Variants in SYCP2L observed in about 807,000 individuals in gnomAD.
The protein encoded by SYCP2L is synaptonemal complex protein 2 like.
Under a neutral mutation model 125.8 loss-of-function variants are expected in SYCP2L, and 98 were observed. The ratio of observed to expected loss-of-function variants is 0.78; its 90% CI spans 0.66 to 0.92. The LOEUF is 0.92. Ranked by LOEUF, SYCP2L falls within the 40% of genes least tolerant of loss-of-function variation. The pLI, the probability that SYCP2L is intolerant of heterozygous loss-of-function variation, is 0.00. For missense variants in SYCP2L, 842 were observed against 936.4 expected (o/e 0.90, Z 1.32); for synonymous variants, 317 against 325.4 (o/e 0.97, Z 0.28).
At chr6:10,969,791 A>G (rs1042676113) in intron 29 of SYCP2L, among the ~76,000 whole-genome samples, 1 of 152,188 alleles carries the variant, frequency 6.6e-6, no homozygotes, top group African/African-American at 2.4e-5. Context: ...GTCATATGAT[A>G]TGCCATGTAG....
At position 10,930,517 on chromosome 6, in the gene SYCP2L, A is replaced by G. The variant is rs199917764; in HGVS notation, c.1633+3A>G. 6.7e-5 allele frequency: 108 copies of G among 1,607,616 alleles called. No homozygotes were observed. In the African/African-American group the frequency reaches 1.1e-3, roughly 16 times the overall value. Reference sequence around the variant, plus strand: ...AAGAACCAGAAGTAATTTGAGAAGTAAGTCTGGCATGTCTTCTTTTGAATC... The same window carrying G: ...AAGAACCAGAAGTAATTTGAGAAGTGAGTCTGGCATGTCTTCTTTTGAATC... On this transcript the variant is annotated splice_donor_region_variant and intron_variant, in intron 19 of 29. Coordinates refer to ENST00000283141, the MANE Select transcript of SYCP2L (RefSeq NM_001040274.3).
At chr6:10,938,612 T>G (rs1371292281) in intron 21 of SYCP2L, among the ~76,000 whole-genome samples, 1 of 152,204 alleles carries the variant, frequency 6.6e-6, no homozygotes, top group Non-Finnish European at 1.5e-5. Context: ...GATGTTAAAT[T>G]GTTTTTGTTT....
chr6:10,917,205 TTCTG>T (rs1220194929), intron 14 of SYCP2L, among the ~76,000 whole-genome samples: 1 of 152,200 alleles, frequency 6.6e-6, no homozygotes, highest in Non-Finnish European at 1.5e-5. Context: ...TTTGTTGACT[TTCTG>T]TCTTGATGAC....
intron 14 of SYCP2L, among the ~76,000 whole-genome samples, chr6:10,913,441 G>T (rs1780641477): frequency 6.6e-6 from 1 of 152,188 alleles, no homozygotes; most frequent in Non-Finnish European, 1.5e-5. Context: ...GGGCTTTGCA[G>T]ATCAGAGATT....
At chr6:10,930,178 C>A in intron 18 of SYCP2L, 192 bp from the exon 19 acceptor site, 1 of 493,740 alleles carries the variant, frequency 2.0e-6, no homozygotes, top group Non-Finnish European at 3.4e-6. Context: ...ACAACAGCAA[C>A]TTGGTTGAGA....
chr6:10,926,585 T>G (rs899850436), intron 16 of SYCP2L, among the ~76,000 whole-genome samples, 153 bp downstream of exon 16: 7 of 152,084 alleles, frequency 4.6e-5, no homozygotes, highest in African/African-American at 1.7e-4. Context: ...AGCCTTGAAT[T>G]GTTTTCTACA....
chr6:10,907,797 C>A, intron 10 of SYCP2L, 113 bp downstream of exon 10: 1 of 975,254 alleles, frequency 1.0e-6, no homozygotes, highest in Non-Finnish European at 1.5e-6. Flanking sequence ...AGTGTGATTA[C>A]ACTGCCATTC....
chr6:10,901,320 G>A (rs1028343494), intron 6 of SYCP2L, among the ~76,000 whole-genome samples: 14 of 152,278 alleles, frequency 9.2e-5, no homozygotes, highest in East Asian at 3.9e-4. Flanking sequence ...GCTTTTCATC[G>A]TTTGAAGATG....
chr6:10,956,330 G>T, intron 25 of SYCP2L, 88 bp downstream of exon 25: 1 of 975,572 alleles, frequency 1.0e-6, no homozygotes, highest in East Asian at 2.6e-5. Flanking sequence ...GTACCACATG[G>T]TCTCACTTAT....
chr6:10,888,113 T>TTTTTTTTTTG (rs1780110719), intron 1 of SYCP2L, among the ~76,000 whole-genome samples: 1 of 104,024 alleles, frequency 9.6e-6, no homozygotes, highest in African/African-American at 3.5e-5. Flanking sequence ...TTTTTTTTTT[T>TTTTTTTTTTG]TGAGACGGAG....
At chr6:10,927,399 GC>G in intron 17 of SYCP2L, 32 bp downstream of exon 17, 1 of 1,569,200 alleles carries the variant, frequency 6.4e-7, no homozygotes, top group Non-Finnish European at 8.7e-7. Context: ...CTAAGCATCG[GC>G]CAGGTTGAGA....
At chr6:10,904,590 C>G (rs1218810046) in intron 8 of SYCP2L, among the ~76,000 whole-genome samples, 1 of 152,152 alleles carries the variant, frequency 6.6e-6, no homozygotes, top group Non-Finnish European at 1.5e-5. Context: ...CTCATGTTTT[C>G]TCCTAAGTTT....
chr6:10,916,421 T>A (rs1315143895), intron 14 of SYCP2L, among the ~76,000 whole-genome samples: 1 of 152,212 alleles, frequency 6.6e-6, no homozygotes, highest in African/African-American at 2.4e-5. Flanking sequence ...ATTGTCTGTT[T>A]GTGCTCTTTC....
intron 9 of SYCP2L, 58 bp from the exon 10 acceptor site, chr6:10,907,484 T>A: frequency 6.6e-7 from 1 of 1,521,978 alleles, no homozygotes. Flanking sequence ...CTGGAACTCA[T>A]TTTTTCTTTT....
chr6:10,907,983 G>T (rs112300805), intron 10 of SYCP2L, among the ~76,000 whole-genome samples: 1,638 of 141,690 alleles, frequency 0.012, 32 homozygotes, highest in African/African-American at 0.04. Flanking sequence ...CTGCCTCCTG[G>T]GTTCAAGTGA....
At chr6:10,902,242 T>A (rs2113300678) in intron 6 of SYCP2L, among the ~76,000 whole-genome samples, 1 of 152,324 alleles carries the variant, frequency 6.6e-6, no homozygotes, top group Middle Eastern at 3.4e-3. Context: ...TGTAAGATTA[T>A]CTGTCACATC....
rs929720348 is a variant in SYCP2L at position 10,928,399 on chromosome 6, A to G, written c.1441-4A>G. ...TCTTCACAATCCACGTTCTTCTGCC[A>G]TAGCTTCAGCCGGTCCCTCCGTTCG... On this transcript the variant is annotated splice_region_variant and splice_polypyrimidine_tract_variant and intron_variant, in intron 17 of 29. Transcript: ENST00000283141. The G allele has an allele frequency of 1.2e-5, 18 of 1,457,562 alleles. No individual in the cohort carries two copies. The Middle Eastern group carries it at 9.9e-4, about 80-fold the overall frequency. The allele number at this position is 1,457,562 out of a possible 1,614,324, so 90.3% of individuals were successfully genotyped here. A position where few individuals can be genotyped will look rare whatever the true frequency, so the allele number is the denominator to read the frequency against.
At chr6:10,972,833 C>T (rs1197516430) in intron 29 of SYCP2L, among the ~76,000 whole-genome samples, 22 of 152,128 alleles carry the variant, frequency 1.4e-4, no homozygotes, top group Non-Finnish European at 8.8e-5. Context: ...CAGCTTCCTC[C>T]CCACTTTTTA....
At chr6:10,923,356 G>A (rs1322305626) in intron 14 of SYCP2L, among the ~76,000 whole-genome samples, 8 of 150,964 alleles carry the variant, frequency 5.3e-5, no homozygotes, top group Non-Finnish European at 8.8e-5. Flanking sequence ...GAGGCTGCAA[G>A]GAGGCTATTG....
Sources: allele counts gnomAD v4.1 joint callset (sites outside exome capture counted in the v4.1 genomes callset), GRCh38; gene constraint gnomAD v4.1.1; transcripts MANE v1.5; gene names NCBI Gene and HGNC (gene_info 2026-07-23, HGNC 2026-07-21).